The following NCOR2 variants were observed in gnomAD, a reference collection of about 807,000 sequenced individuals.
The protein encoded by NCOR2 is nuclear receptor corepressor 2.
NCOR2 carries 81 observed loss-of-function variants against 262.9 expected under a neutral mutation model. The ratio of observed to expected loss-of-function variants is 0.31; its 90% CI spans 0.26 to 0.37. The LOEUF (loss-of-function observed/expected upper bound fraction) is 0.37, where lower values mean the gene tolerates loss of function less well. Among genes scored for constraint, NCOR2 ranks in the 10% least tolerant of loss-of-function variants. The pLI is 1.00. For missense variants in NCOR2, 3,385 were observed against 3,621.4 expected (o/e 0.93, Z 1.68); for synonymous variants, 1,659 against 1,559.3 (o/e 1.06, Z -1.51).
rs1781097376 is a variant in NCOR2, at chr12:124,478,833, A to T, written c.411+4763T>A. 3.3e-5 allele frequency among the ~76,000 whole-genome samples: 5 copies of T among 152,182 alleles called. No homozygotes were observed. In the South Asian group the frequency reaches 1.0e-3, roughly 32 times the overall value. On this transcript the variant is annotated intron_variant, in intron 3 of 46. Transcript: ENST00000405201. Reference sequence around the variant, plus strand: ...GACAGACACACACAAACAGAAAGAGATAGAGATAGAGGGACACAAAGAGAA... The same window carrying T: ...GACAGACACACACAAACAGAAAGAGTTAGAGATAGAGGGACACAAAGAGAA...
intron 1 of NCOR2, among the ~76,000 whole-genome samples, chr12:124,505,463 G>A (rs1457141048): frequency 6.6e-6 from 1 of 151,880 alleles, no homozygotes; most frequent in South Asian, 2.1e-4. Context: ...TGTAGGAGCA[G>A]GAGCTATGGA....
At chr12:124,341,229 C>T (rs968020748) in intron 34 of NCOR2, among the ~76,000 whole-genome samples, 1 of 152,028 alleles carries the variant, frequency 6.6e-6, no homozygotes, top group Non-Finnish European at 1.5e-5. Flanking sequence ...CTCCAAACAG[C>T]CTCACATTTT....
chr12:124,409,540 C>T (rs998787374), intron 13 of NCOR2, among the ~76,000 whole-genome samples: 1 of 152,184 alleles, frequency 6.6e-6, no homozygotes, highest in African/African-American at 2.4e-5. Context: ...TCAACACTCT[C>T]TCAAATTGCC....
At chr12:124,486,099 T>C (rs2047754094) in intron 2 of NCOR2, among the ~76,000 whole-genome samples, 1 of 152,012 alleles carries the variant, frequency 6.6e-6, no homozygotes, top group Non-Finnish European at 1.5e-5. Context: ...GAAGGAAGAA[T>C]GGGAGGAGAG....
At position 124,415,000 on chromosome 12, in the gene NCOR2, G is replaced by A. The variant is rs150294998; in HGVS notation, c.1482+4957C>T. 1.4e-4 allele frequency among the ~76,000 whole-genome samples: 21 copies of A among 152,300 alleles called. No individual in the cohort carries two copies. In the East Asian group the frequency reaches 3.7e-3, roughly 27 times the overall value. On this transcript the variant is annotated intron_variant, in intron 13 of 46. Coordinates refer to ENST00000405201, the Ensembl canonical transcript of NCOR2. ...GGTCAGAAAGAAGAACCGGCCCACA[G>A]AGGTACCCTGGGTGCCTGCATTGCC...
chr12:124,514,959 C>A (rs73425604), intron 1 of NCOR2: 12,192 of 152,420 alleles, frequency 0.08, 511 homozygotes, highest in African/African-American at 0.1. Context: ...TCTCTCCAGA[C>A]CCTAAGCTAC....
rs61932029 is a variant in NCOR2 at position 124,440,061 on chromosome 12, C to G, written c.816-2065G>C. Among the ~76,000 whole-genome samples the G allele has an allele frequency of 0.14, 21,176 of 152,056 alleles. 1,483 individuals are homozygous for G. The highest frequency in any genetic ancestry group is 0.22 in the East Asian group (1,140 of 5,150). ...CACAAAGCAGGGTGCTGCAGCTGGC[C>G]TCCCAGGGCCTGGGGGGCCACAGCG... On this transcript the variant is annotated intron_variant, in intron 7 of 46. Coordinates refer to ENST00000405201, the Ensembl canonical transcript of NCOR2. This position sits in a 1 kb window ranked among gnomAD's most constrained non-coding sequence, Gnocchi z 5.7.
intron 7 of NCOR2, among the ~76,000 whole-genome samples, chr12:124,445,445 C>G (rs965876839): frequency 6.6e-6 from 1 of 152,220 alleles, no homozygotes; most frequent in African/African-American, 2.4e-5. Flanking sequence ...GCGACTCCAA[C>G]GCGTCCGAAA....
rs557292031 is a variant in NCOR2 at position 124,389,669 on chromosome 12, G to A, written c.1877-3782C>T. Reference sequence around the variant, plus strand: ...TCTGTCGGGGACTGTGGGTGGGCAGGGCTAGCCTCGCATTCCGGAGGGATC... The same window carrying A: ...TCTGTCGGGGACTGTGGGTGGGCAGAGCTAGCCTCGCATTCCGGAGGGATC... On this transcript the variant is annotated intron_variant, in intron 16 of 46. Coordinates refer to ENST00000405201, the Ensembl canonical transcript of NCOR2. This position sits in a 1 kb window ranked among gnomAD's most constrained non-coding sequence, Gnocchi z 4.4. Among the ~76,000 whole-genome samples, 166 of 152,282 alleles carry A rather than the reference G, an allele frequency of 1.1e-3. 2 individuals are homozygous for A. The highest frequency in any genetic ancestry group is 6.8e-3 in the Middle Eastern group (2 of 294).
intron 1 of NCOR2, among the ~76,000 whole-genome samples, chr12:124,530,583 C>A (rs1191819962): frequency 6.6e-6 from 1 of 152,198 alleles, no homozygotes; most frequent in Non-Finnish European, 1.5e-5. Flanking sequence ...TAAACTGGCC[C>A]TCAAGTTTCC....
intron 7 of NCOR2, among the ~76,000 whole-genome samples, chr12:124,448,703 A>C (rs1388611350): frequency 5.3e-5 from 8 of 152,046 alleles, no homozygotes. Context: ...TGGAAACTAC[A>C]ACAGCAGCGA....
At chr12:124,417,037 A>C in intron 13 of NCOR2, among the ~76,000 whole-genome samples, 1 of 141,648 alleles carries the variant, frequency 7.1e-6, no homozygotes. Context: ...CCGGACACTC[A>C]CTCCTGAGAG....
In NCOR2 at chr12:124,519,095, C is replaced by CACACAT. The variant is rs776461449; in HGVS notation, c.-118+16469_-118+16470insATGTGT. Among the ~76,000 whole-genome samples, 175 of 143,326 alleles carry CACACAT rather than the reference C, an allele frequency of 1.2e-3. 1 individual carries two copies. Among genetic ancestry groups the CACACAT allele is most frequent in the Middle Eastern group, 7.1e-3 (2 of 282 alleles). 94.0% of individuals were successfully genotyped at this position (143,326 alleles called of 152,430 possible). A position where few individuals can be genotyped will look rare whatever the true frequency, so the allele number is the denominator to read the frequency against. On this transcript the variant is annotated intron_variant, in intron 1 of 46. Coordinates refer to the NCOR2 transcript ENST00000404621. ...AGAAGACGTGGCCAAATAATACACACACACACACACACACACACACACACA... is the reference window on the plus strand; with the variant it reads ...AGAAGACGTGGCCAAATAATACACACACACATACACACACACACACACACACACACA...
intron 1 of NCOR2, among the ~76,000 whole-genome samples, chr12:124,553,335 C>T (rs1045070160): frequency 1.3e-5 from 2 of 152,188 alleles, no homozygotes; most frequent in African/African-American, 4.8e-5. Flanking sequence ...ATCCCCTTTG[C>T]AGCATAAAAT....
chr12:124,356,613 G>A lies in NCOR2; in HGVS notation c.3241+29C>T, dbSNP rs776175343. On this transcript the variant is annotated intron_variant, in intron 23 of 46. Transcript: ENST00000405201. The stretch of plus-strand genomic sequence containing the variant: ...AAACAGCGATTGTGCACTGGCTGAA[G>A]AAGCCCAAGCTCGGGCGGAGCTACT... 14 of 1,418,606 alleles carry A rather than the reference G, an allele frequency of 9.9e-6. 1 individual carries two copies. The highest frequency in any genetic ancestry group is 3.1e-5 in the Admixed American group (1 of 32,576). The allele number at this position is 1,418,606 out of a possible 1,614,324, so 87.9% of individuals were successfully genotyped here.
At chr12:124,363,028 G>A (rs1467511836) in intron 21 of NCOR2, among the ~76,000 whole-genome samples, 1 of 152,282 alleles carries the variant, frequency 6.6e-6, no homozygotes, top group Non-Finnish European at 1.5e-5. Flanking sequence ...AGAGCCTGCT[G>A]TGACTCTCTC....
At chr12:124,485,634 C>T (rs1316923702) in intron 2 of NCOR2, among the ~76,000 whole-genome samples, 3 of 152,208 alleles carry the variant, frequency 2.0e-5, no homozygotes, top group African/African-American at 4.8e-5. Flanking sequence ...CTCCTCCAGA[C>T]GCCTGCGCCC....
At chr12:124,359,406 G>A (rs999642992) in intron 22 of NCOR2, among the ~76,000 whole-genome samples, 12 of 152,224 alleles carry the variant, frequency 7.9e-5, no homozygotes, top group African/African-American at 2.7e-4. Context: ...AGAGCAGGTG[G>A]GCAAGAAGGC....
intron 1 of NCOR2, among the ~76,000 whole-genome samples, chr12:124,541,955 G>A (rs542202206): frequency 1.3e-5 from 2 of 150,394 alleles, no homozygotes; most frequent in East Asian, 2.0e-4. Context: ...AGGGGATGGG[G>A]GCTGTGTTCC....
Sources: gnomAD v4.1 joint callset for allele counts (sites outside exome capture counted in the v4.1 genomes callset) on GRCh38, gnomAD v4.1.1 for gene constraint, Gnocchi (gnomAD v3.1) non-coding constraint, MANE v1.5 for transcripts, NCBI Gene and HGNC (gene_info 2026-07-23, HGNC 2026-07-21) for gene names.